Variants in LRRC52 observed in about 807,000 individuals in gnomAD.
LRRC52 encodes leucine-rich repeat-containing protein 52.
A neutral mutation model predicts 14.7 loss-of-function variants in LRRC52; 15 were observed. That is an observed-to-expected ratio of 1.02 (90% confidence interval 0.68 to 1.58). LRRC52 has a LOEUF of 1.58. Among genes scored for constraint, LRRC52 ranks in the 40% most tolerant of loss-of-function variants. The pLI is 0.00. For missense variants in LRRC52, 400 were observed against 387.7 expected, an observed-to-expected ratio of 1.03 and a Z score of -0.27; for synonymous variants, 180 against 163.9, an observed-to-expected ratio of 1.10 and a Z score of -0.75.
chr1:165,552,580 G>A (rs1204064064), intron 1 of LRRC52, among the ~76,000 whole-genome samples: 1 of 152,194 alleles, frequency 6.6e-6, no homozygotes, highest in Non-Finnish European at 1.5e-5. Flanking sequence ...CAACAGTGAG[G>A]AGGAGAGGTG....
chr1:165,552,009 G>A lies in LRRC52; in HGVS notation c.622+7091G>A, dbSNP rs575925375. ...AAAAAAAAAAAAGGCTGGGCAACCA[G>A]CAGCTCCAAGGCTTCCAAGGCTGTT... On this transcript the variant is annotated intron_variant, in intron 1 of 1. Coordinates refer to ENST00000294818, the MANE Select transcript of LRRC52 (RefSeq NM_001005214.4). Among the ~76,000 whole-genome samples the A allele has an allele frequency of 3.3e-5, 5 of 150,234 alleles. No homozygotes were observed. In the South Asian group the frequency reaches 1.1e-3, roughly 32 times the overall value.
At chr1:165,554,821 C>T (rs545135876) in intron 1 of LRRC52, among the ~76,000 whole-genome samples, 32 of 152,326 alleles carry the variant, frequency 2.1e-4, no homozygotes, top group African/African-American at 7.2e-4. Context: ...CCAATTAAAA[C>T]ATAGTTAAGA....
At chr1:165,545,104 T>G (rs1660993927) in intron 1 of LRRC52, among the ~76,000 whole-genome samples, 186 bp downstream of exon 1, 4 of 152,104 alleles carry the variant, frequency 2.6e-5, no homozygotes, top group Admixed American at 2.6e-4. Context: ...GAAATAGGAA[T>G]TCAAAGAGCT....
chr1:165,561,386 G>A (rs1161531635), intron 1 of LRRC52, among the ~76,000 whole-genome samples: 1 of 152,128 alleles, frequency 6.6e-6, no homozygotes. Flanking sequence ...AGATTCATGT[G>A]TCTCCCACAG....
Position 165,544,246 on chromosome 1 carries a change from G to C in LRRC52, c.-51G>C. On this transcript the variant is annotated 5_prime_UTR_variant, in exon 1 of 2. Coordinates refer to ENST00000294818, the MANE Select transcript of LRRC52 (RefSeq NM_001005214.4). Reference sequence around the variant, plus strand: ...CCCCCCACCGGCAGCCTTCGGATCAGAGGACAGAGCCCGCAGGAAGGTGAA... The same window carrying C: ...CCCCCCACCGGCAGCCTTCGGATCACAGGACAGAGCCCGCAGGAAGGTGAA... 3 of 1,442,916 alleles carry C rather than the reference G, an allele frequency of 2.1e-6. No homozygotes were observed. Among genetic ancestry groups the C allele is most frequent in the South Asian group, 2.5e-5 (2 of 80,378 alleles). 89.4% of individuals were successfully genotyped at this position (1,442,916 alleles called of 1,614,324 possible). A position where few individuals can be genotyped will look rare whatever the true frequency, so the allele number is the denominator to read the frequency against.
Position 165,544,163 on chromosome 1 carries a change from T to A in LRRC52, c.-134T>A. The A allele has an allele frequency of 8.8e-7, 1 of 1,134,874 alleles. No homozygotes were observed. Among genetic ancestry groups the A allele is most frequent in the South Asian group, 1.6e-5 (1 of 63,284 alleles). The allele number at this position is 1,134,874 out of a possible 1,614,324, so 70.3% of individuals were successfully genotyped here. A position where few individuals can be genotyped will look rare whatever the true frequency, so the allele number is the denominator to read the frequency against. On this transcript the variant is annotated 5_prime_UTR_variant, in exon 1 of 2. The change creates a new upstream start codon in the 5' untranslated region. Coordinates refer to ENST00000294818, the MANE Select transcript of LRRC52 (RefSeq NM_001005214.4). ...TGTTCAGTTCTCCTGTAATGGAAAA[T>A]TGCTTTGCACAAAGCTAAAGTGTTA...
At position 165,544,229 on chromosome 1, in the gene LRRC52, C is replaced by CCCCCCCCCAAA; in HGVS notation, c.-68_-67insCCCCCCCCAAA. 4 of 1,476,568 alleles carry CCCCCCCCCAAA rather than the reference C, an allele frequency of 2.7e-6. No homozygotes were observed. Among genetic ancestry groups the CCCCCCCCCAAA allele is most frequent in the South Asian group, 1.3e-5 (1 of 75,142 alleles). 91.5% of individuals were successfully genotyped at this position (1,476,568 alleles called of 1,614,324 possible). ...CCCCTCCCCCGCCCCACCCCCCCACCGGCAGCCTTCGGATCAGAGGACAGA... is the reference window on the plus strand; with the variant it reads ...CCCCTCCCCCGCCCCACCCCCCCACCCCCCCCCCAAAGGCAGCCTTCGGATCAGAGGACAGA... On this transcript the variant is annotated 5_prime_UTR_variant, in exon 1 of 2. Transcript: ENST00000294818.
chr1:165,556,029 C>A (rs1268106746), intron 1 of LRRC52, among the ~76,000 whole-genome samples: 1 of 152,268 alleles, frequency 6.6e-6, no homozygotes, highest in Non-Finnish European at 1.5e-5. Flanking sequence ...CTCACCCCAC[C>A]AAAAGGTGGT....
chr1:165,547,280 C>A (rs1374150486), intron 1 of LRRC52, among the ~76,000 whole-genome samples: 1 of 152,246 alleles, frequency 6.6e-6, no homozygotes, highest in East Asian at 1.9e-4. Flanking sequence ...TAACTATCAT[C>A]CTGTAAGTGA....
rs540769682 is a variant in LRRC52 at position 165,550,952 on chromosome 1, C to T, written c.622+6034C>T. ...TGGGTTAGAGATCCTCAAAGGCCTC[C>T]TATAGCTGGTAGCCTATGGACCTAA... On this transcript the variant is annotated intron_variant, in intron 1 of 1. Coordinates refer to ENST00000294818, the MANE Select transcript of LRRC52 (RefSeq NM_001005214.4). 2.0e-5 allele frequency among the ~76,000 whole-genome samples: 3 copies of T among 152,236 alleles called. No homozygotes were observed. The East Asian group carries it at 5.8e-4, about 29-fold the overall frequency.
chr1:165,557,490 C>A lies in LRRC52; in HGVS notation c.623-6015C>A, dbSNP rs558791385. Among the ~76,000 whole-genome samples the A allele has an allele frequency of 7.2e-5, 11 of 152,324 alleles. No homozygotes were observed. In the East Asian group the frequency reaches 1.9e-3, roughly 27 times the overall value. On this transcript the variant is annotated intron_variant, in intron 1 of 1. Coordinates refer to ENST00000294818, the MANE Select transcript of LRRC52 (RefSeq NM_001005214.4). ...TTTGAATAACAATCAATTCATTCAA[C>A]AAATACGCCCTGTGCTCTAGCATCC...
intron 1 of LRRC52, among the ~76,000 whole-genome samples, 168 bp downstream of exon 1, chr1:165,545,086 A>G (rs1194108290): frequency 6.6e-6 from 1 of 152,168 alleles, no homozygotes; most frequent in African/African-American, 2.4e-5. Context: ...GCAGTAAGAA[A>G]AAGTTCTGAA....
intron 1 of LRRC52, among the ~76,000 whole-genome samples, chr1:165,546,818 C>G (rs184135800): frequency 6.6e-6 from 1 of 152,256 alleles, no homozygotes; most frequent in Admixed American, 6.5e-5. Context: ...CTTGACTCTT[C>G]AGTTCAATCC....
At chr1:165,548,883 T>C (rs1661075990) in intron 1 of LRRC52, among the ~76,000 whole-genome samples, 1 of 152,054 alleles carries the variant, frequency 6.6e-6, no homozygotes, top group Non-Finnish European at 1.5e-5. Context: ...CAGAAAGCAG[T>C]CAAGTGTTCC....
intron 1 of LRRC52, among the ~76,000 whole-genome samples, chr1:165,562,490 T>C (rs454544): frequency 0.98 from 148,776 of 152,248 alleles, 72,768 homozygotes; most frequent in East Asian, 1. Flanking sequence ...ATTCCGTGCT[T>C]GAGGCACAAT....
intron 1 of LRRC52, among the ~76,000 whole-genome samples, chr1:165,555,139 A>G (rs970099154): frequency 6.6e-6 from 1 of 152,252 alleles, no homozygotes; most frequent in Admixed American, 6.5e-5. Flanking sequence ...AAATTGACAT[A>G]TGACATAATG....
chr1:165,563,376 G>C, intron 1 of LRRC52, 129 bp from the exon 2 acceptor site: 1 of 746,026 alleles, frequency 1.3e-6, no homozygotes, highest in Non-Finnish European at 2.2e-6. Context: ...AGGTGATGTC[G>C]ATGCTGCTGG....
intron 1 of LRRC52, among the ~76,000 whole-genome samples, chr1:165,560,116 T>C (rs1661313068): frequency 6.6e-6 from 1 of 152,236 alleles, no homozygotes; most frequent in Non-Finnish European, 1.5e-5. Flanking sequence ...ACAAACTCCA[T>C]ACAGACAGTG....
intron 1 of LRRC52, among the ~76,000 whole-genome samples, chr1:165,562,539 A>G (rs933273141): frequency 2.6e-5 from 4 of 152,194 alleles, no homozygotes; most frequent in Non-Finnish European, 1.5e-5. Flanking sequence ...AGTTCTCTCA[A>G]CTACCCTGAG....
Sources: allele counts gnomAD v4.1 joint callset (sites outside exome capture counted in the v4.1 genomes callset), GRCh38; gene constraint gnomAD v4.1.1; transcripts MANE v1.5; gene names NCBI Gene and HGNC (gene_info 2026-07-23, HGNC 2026-07-21).